DIP2C: variants seen among roughly 807,000 people sequenced by gnomAD.
DIP2C encodes the protein disco-interacting protein 2 homolog C.
In DIP2C, 33 loss-of-function variants were observed where a neutral mutation model predicts 192.4. That is an observed-to-expected ratio of 0.17 (90% CI 0.13 to 0.23). DIP2C has a LOEUF of 0.23. Among genes scored for constraint, DIP2C ranks in the 10% least tolerant of loss-of-function variants. DIP2C has a pLI of 1.00. For synonymous variants in DIP2C, 979 were observed against 864.1 expected (o/e 1.13, Z -2.33); for missense variants, 1,537 against 2,110.1 (o/e 0.73, Z 5.32).
intron 18 of DIP2C, among the ~76,000 whole-genome samples, chr10:368,508 G>A (rs531358644): frequency 6.6e-6 from 1 of 152,326 alleles, no homozygotes; most frequent in African/African-American, 2.4e-5. Context: ...GGGAATCAGG[G>A]AGTAGTGAGG....
rs1964905742 is a variant in DIP2C at position 407,739 on chromosome 10, C to T, written c.1149+1187G>A. Among the ~76,000 whole-genome samples, 4 of 152,128 alleles carry T rather than the reference C, an allele frequency of 2.6e-5. No homozygotes were observed. In the South Asian group the frequency reaches 6.2e-4, roughly 24 times the overall value. ...TGCTAAATCTTTGGAGAAACGTTTA[C>T]TCAAGTCTCTGGCCCATTTAAACGT... On this transcript the variant is annotated intron_variant, in intron 9 of 36. Coordinates refer to ENST00000280886, the MANE Select transcript of DIP2C (RefSeq NM_014974.3).
intron 31 of DIP2C, among the ~76,000 whole-genome samples, chr10:316,960 C>T (rs1250320004): frequency 1.3e-5 from 2 of 152,190 alleles, no homozygotes. Flanking sequence ...GTCTTCAGCT[C>T]TCTGATGGAT....
At position 276,968 on chromosome 10, in the gene DIP2C, G is replaced by C. The variant is rs576113588; in HGVS notation, c.*357C>G. ...TTAAAAGAACCCATCTGGAGGGCAGGATATTTTTTTAATTGCTATTTCGGC... is the reference window on the plus strand; with the variant it reads ...TTAAAAGAACCCATCTGGAGGGCAGCATATTTTTTTAATTGCTATTTCGGC... On this transcript the variant is annotated 3_prime_UTR_variant, in exon 37 of 37. Transcript: ENST00000280886. 3.7e-5 allele frequency: 8 copies of C among 218,298 alleles called. No homozygotes were observed. The Admixed American group carries it at 4.1e-4, about 11-fold the overall frequency. 13.5% of individuals were successfully genotyped at this position (218,298 alleles called of 1,614,324 possible).
chr10:656,061 C>A (rs1454134214), intron 1 of DIP2C, among the ~76,000 whole-genome samples: 5 of 146,518 alleles, frequency 3.4e-5, no homozygotes, highest in African/African-American at 1.0e-4. Context: ...CTATTGTATA[C>A]TATATATATA....
chr10:576,215 A>T (rs1755232388), intron 1 of DIP2C, among the ~76,000 whole-genome samples: 1 of 152,104 alleles, frequency 6.6e-6, no homozygotes, highest in African/African-American at 2.4e-5. Context: ...TTCTCCTGGG[A>T]CTCCCAGGCA....
intron 29 of DIP2C, among the ~76,000 whole-genome samples, chr10:340,423 T>C (rs749909555): frequency 2.6e-5 from 4 of 152,076 alleles, no homozygotes; most frequent in Non-Finnish European, 4.4e-5. Context: ...AGCTGGATGA[T>C]GGTCACGGGT....
At chr10:528,592 T>G (rs560897606) in intron 1 of DIP2C, among the ~76,000 whole-genome samples, 10 of 152,226 alleles carry the variant, frequency 6.6e-5, no homozygotes, top group Non-Finnish European at 1.3e-4. Flanking sequence ...CAGGAGGCGC[T>G]GTGCAGATGG....
intron 36 of DIP2C, 126 bp from the exon 37 acceptor site, chr10:277,703 T>C (rs1779325148): frequency 1.0e-5 from 13 of 1,295,404 alleles, no homozygotes; most frequent in Non-Finnish European, 1.4e-5. Flanking sequence ...TCCTCCGGCC[T>C]CTCCACGTCC....
chr10:386,278 C>T (rs770870041), intron 14 of DIP2C, among the ~76,000 whole-genome samples: 11 of 152,328 alleles, frequency 7.2e-5, no homozygotes, highest in African/African-American at 2.2e-4. Flanking sequence ...ACACCGGCCA[C>T]GTCAAATAGG....
rs1229969693 is a variant in DIP2C at position 337,102 on chromosome 10, CGTGT to C, written c.3584+4093_3584+4096del. Among the ~76,000 whole-genome samples, 6 of 31,122 alleles carry C rather than the reference CGTGT, an allele frequency of 1.9e-4. 1 individual carries two copies. The highest frequency in any genetic ancestry group is 8.8e-4 in the Admixed American group (2 of 2,264). 20.4% of individuals were successfully genotyped at this position (31,122 alleles called of 152,430 possible). A position where few individuals can be genotyped will look rare whatever the true frequency, so the allele number is the denominator to read the frequency against. ...GGAGGCCTAGACTGGTGTGTGTGTG[CGTGT>C]GTGTGTTGTGGAGGCCTAGGCAGCT... On this transcript the variant is annotated intron_variant, in intron 29 of 36. Transcript: ENST00000280886.
intron 9 of DIP2C, among the ~76,000 whole-genome samples, chr10:404,316 C>T (rs1458372587): frequency 2.0e-5 from 3 of 151,580 alleles, no homozygotes. Flanking sequence ...TCAAGCGATT[C>T]TCTTGCCTCA....
chr10:486,564 C>G (rs2133556673), intron 1 of DIP2C, 34 bp from the exon 2 acceptor site: 1 of 1,567,872 alleles, frequency 6.4e-7, no homozygotes, highest in African/African-American at 1.4e-5. Context: ...TCAGTATGGT[C>G]TCCGTGGATA....
intron 1 of DIP2C, among the ~76,000 whole-genome samples, chr10:493,408 A>C (rs1588290677): frequency 3.3e-5 from 5 of 152,244 alleles, no homozygotes; most frequent in Admixed American, 3.3e-4. Context: ...CTCAGCAGTA[A>C]GTTGGTTTCA....
intron 1 of DIP2C, among the ~76,000 whole-genome samples, chr10:572,186 G>T (rs984335569): frequency 6.6e-6 from 1 of 152,182 alleles, no homozygotes; most frequent in Admixed American, 6.5e-5. Context: ...GGCTCCACAC[G>T]CCAGTGTTCT....
At chr10:348,526 C>A in intron 26 of DIP2C, 115 bp downstream of exon 26, 1 of 1,510,208 alleles carries the variant, frequency 6.6e-7, no homozygotes, top group Non-Finnish European at 8.9e-7. Context: ...TGACTCCAGA[C>A]ACACCCCGGC....
intron 9 of DIP2C, among the ~76,000 whole-genome samples, chr10:404,524 A>G (rs1964669129): frequency 6.6e-6 from 1 of 152,310 alleles, no homozygotes; most frequent in African/African-American, 2.4e-5. Flanking sequence ...CTTGAAGTTA[A>G]ACAATTTTTT....
chr10:422,701 G>A (rs1966280751), intron 5 of DIP2C, 123 bp downstream of exon 5: 3 of 1,201,024 alleles, frequency 2.5e-6, no homozygotes, highest in Admixed American at 2.4e-5. Context: ...AGCACCCCAG[G>A]GGCCAGAGGA....
At chr10:509,555 A>G (rs543373778) in intron 1 of DIP2C, among the ~76,000 whole-genome samples, 191 of 152,314 alleles carry the variant, frequency 1.3e-3, no homozygotes, top group African/African-American at 4.2e-3. Flanking sequence ...TTCTTGCCGA[A>G]TATCTCAGGG....
At chr10:342,154 ACT>A (rs373102397) in intron 28 of DIP2C, among the ~76,000 whole-genome samples, 2 of 147,884 alleles carry the variant, frequency 1.4e-5, no homozygotes, top group African/African-American at 5.0e-5. Flanking sequence ...CGTGTAACCC[ACT>A]CTCTCTCTTT....
Sources: gnomAD v4.1 joint callset for allele counts (sites outside exome capture counted in the v4.1 genomes callset) on GRCh38, gnomAD v4.1.1 for gene constraint, MANE v1.5 for transcripts, NCBI Gene and HGNC (gene_info 2026-07-23, HGNC 2026-07-21) for gene names.